Variants in GAB2 observed in about 807,000 individuals in gnomAD.
GAB2 encodes GRB2-associated-binding protein 2.
Under a neutral mutation model 65.5 loss-of-function variants are expected in GAB2, and 26 were observed. The observed-to-expected ratio is 0.40, with a 90% confidence interval of 0.29 to 0.55. GAB2 has a LOEUF of 0.55. Among genes scored for constraint, GAB2 ranks in the 20% least tolerant of loss-of-function variants. The pLI is 0.53. For synonymous variants in GAB2, 321 were observed against 329.6 expected (o/e 0.97, Z 0.28); for missense variants, 884 against 875.8 (o/e 1.01, Z -0.12).
At chr11:78,384,983 T>C (rs912770137) in intron 1 of GAB2, among the ~76,000 whole-genome samples, 5 of 152,220 alleles carry the variant, frequency 3.3e-5, no homozygotes, top group African/African-American at 4.8e-5. Context: ...GAGAAGACTC[T>C]CTACAATGAT....
intron 1 of GAB2, among the ~76,000 whole-genome samples, chr11:78,353,063 C>G (rs1423837250): frequency 6.6e-6 from 1 of 152,138 alleles, no homozygotes; most frequent in Non-Finnish European, 1.5e-5. Flanking sequence ...AAGTGGTCCC[C>G]ATACCAGCAG....
At chr11:78,277,893 A>T (rs1315960868) in intron 2 of GAB2, among the ~76,000 whole-genome samples, 1 of 151,668 alleles carries the variant, frequency 6.6e-6, no homozygotes, top group Non-Finnish European at 1.5e-5. Context: ...ATAAACTTTC[A>T]CCCCTCTTCT....
rs143971446 is a variant in GAB2, at chr11:78,412,754, T to G, written c.75+4892A>C. 7.2e-5 allele frequency among the ~76,000 whole-genome samples: 11 copies of G among 152,314 alleles called. No individual in the cohort carries two copies. In the South Asian group the frequency reaches 1.7e-3, roughly 23 times the overall value. On this transcript the variant is annotated intron_variant, in intron 1 of 9. Coordinates refer to ENST00000361507, the MANE Select transcript of GAB2 (RefSeq NM_080491.3). ...TTAATTTTTTTAAAAAGCCCAGGCT[T>G]TAGGACAAAGCTAGATGACTTTGGG...
At chr11:78,414,467 T>C (rs1474753211) in intron 1 of GAB2, among the ~76,000 whole-genome samples, 1 of 152,244 alleles carries the variant, frequency 6.6e-6, no homozygotes, top group African/African-American at 2.4e-5. Flanking sequence ...TCCAGTGAAA[T>C]TGATAGAAAA....
intron 1 of GAB2, among the ~76,000 whole-genome samples, chr11:78,370,555 T>G (rs1856556862): frequency 6.6e-6 from 1 of 151,250 alleles, no homozygotes; most frequent in Admixed American, 6.6e-5. Context: ...GAGCAGAGAG[T>G]GGGGAAAGAC....
intron 1 of GAB2, among the ~76,000 whole-genome samples, chr11:78,310,010 G>T (rs1372752806): frequency 6.6e-6 from 1 of 151,362 alleles, no homozygotes; most frequent in Non-Finnish European, 1.5e-5. Flanking sequence ...CAGTGGTGGG[G>T]TAAGTTGTCA....
rs1005378741 is a variant in GAB2 at position 78,223,499 on chromosome 11, T to C, written c.1480A>G (p.Thr494Ala). The change falls in exon 6 of 10, where the codon ACA becomes GCA. Residue 494 changes from threonine (T) to alanine (A), a missense_variant. Coordinates refer to ENST00000361507, the MANE Select transcript of GAB2 (RefSeq NM_080491.3). ...HHFDSLGYPS[T>A]TLPVHRGPSR... is the part of the protein sequence containing the mutation. The stretch of plus-strand genomic sequence containing the variant: ...GGGCCTCGGTGCACAGGAAGGGTTG[T>C]TGATGGGTAGCCAAGTGAGTCAAAG... The C allele has an allele frequency of 6.9e-6, 11 of 1,602,632 alleles. No individual in the cohort carries two copies. In the African/African-American group the frequency reaches 1.2e-4, roughly 18 times the overall value.
At chr11:78,363,992 TA>T (rs1301349201) in intron 1 of GAB2, 3 of 152,210 alleles carry the variant, frequency 2.0e-5, no homozygotes, top group African/African-American at 7.2e-5. Context: ...CTCACCCATT[TA>T]ACATATATTT....
At chr11:78,403,219 T>G (rs1384609250) in intron 1 of GAB2, among the ~76,000 whole-genome samples, 2 of 152,244 alleles carry the variant, frequency 1.3e-5, no homozygotes, top group African/African-American at 4.8e-5. Context: ...AGCAAATCAC[T>G]TAAACATATT....
At chr11:78,351,932 G>T (rs532084005) in intron 1 of GAB2, among the ~76,000 whole-genome samples, 138 of 152,286 alleles carry the variant, frequency 9.1e-4, no homozygotes, top group Non-Finnish European at 1.8e-3. Context: ...GGGGGGCCAG[G>T]TCGAGCGCAG....
chr11:78,217,571 C>G lies in GAB2; in HGVS notation c.*1701G>C, dbSNP rs1394490902. ...TGGGAGGAAGAAGTTCTGTTCGCCCCAGGGTAGAATGAAACGTCTGGTCTG... is the reference window on the plus strand; with the variant it reads ...TGGGAGGAAGAAGTTCTGTTCGCCCGAGGGTAGAATGAAACGTCTGGTCTG... On this transcript the variant is annotated 3_prime_UTR_variant, in exon 10 of 10. Coordinates refer to ENST00000361507, the MANE Select transcript of GAB2 (RefSeq NM_080491.3). 6.6e-6 allele frequency: 1 copy of G among 152,182 alleles called. No individual in the cohort carries two copies. The highest frequency in any genetic ancestry group is 1.5e-5 in the Non-Finnish European group (1 of 68,050). The allele number at this position is 152,182 out of a possible 1,614,324, so 9.4% of individuals were successfully genotyped here.
In GAB2 at chr11:78,261,111, T is replaced by C. The variant is rs141080055; in HGVS notation, c.377-10711A>G. Among the ~76,000 whole-genome samples the C allele has an allele frequency of 8.1e-3, 1,240 of 152,206 alleles. 10 individuals carry two copies. Among genetic ancestry groups the C allele is most frequent in the Non-Finnish European group, 0.014 (953 of 68,018 alleles). ...TGTATATGTATGTCTGAGATATATATATATCTCACGCATACATATAAATTA... is the reference window on the plus strand; with the variant it reads ...TGTATATGTATGTCTGAGATATATACATATCTCACGCATACATATAAATTA... On this transcript the variant is annotated intron_variant, in intron 2 of 9. Coordinates refer to ENST00000361507, the MANE Select transcript of GAB2 (RefSeq NM_080491.3).
At chr11:78,292,255 A>T (rs1866702735) in intron 1 of GAB2, among the ~76,000 whole-genome samples, 1 of 152,164 alleles carries the variant, frequency 6.6e-6, no homozygotes, top group African/African-American at 2.4e-5. Flanking sequence ...GAAAGCGGGA[A>T]GTTAAAAGGA....
At chr11:78,410,250 T>C (rs1273418383) in intron 1 of GAB2, among the ~76,000 whole-genome samples, 1 of 152,234 alleles carries the variant, frequency 6.6e-6, no homozygotes, top group Admixed American at 6.5e-5. Context: ...ATGCCTGTAA[T>C]TGCAGCACTT....
At chr11:78,305,658 G>A (rs901250763) in intron 1 of GAB2, among the ~76,000 whole-genome samples, 3 of 152,108 alleles carry the variant, frequency 2.0e-5, no homozygotes, top group African/African-American at 7.2e-5. Context: ...TTTATTTCTG[G>A]CACTTTTCTT....
intron 1 of GAB2, among the ~76,000 whole-genome samples, chr11:78,309,172 G>A (rs1462829864): frequency 2.0e-5 from 3 of 152,248 alleles, no homozygotes; most frequent in South Asian, 4.1e-4. Flanking sequence ...TTCAAGCTTG[G>A]GAGATCAGAT....
chr11:78,264,881 A>C (rs1178399398), intron 2 of GAB2, among the ~76,000 whole-genome samples: 2 of 152,194 alleles, frequency 1.3e-5, no homozygotes, highest in Admixed American at 1.3e-4. Context: ...TCGGGAGATA[A>C]AAGTAGCATG....
At chr11:78,270,241 C>T (rs927423941) in intron 2 of GAB2, among the ~76,000 whole-genome samples, 2 of 151,812 alleles carry the variant, frequency 1.3e-5, no homozygotes, top group African/African-American at 4.8e-5. Flanking sequence ...GCAGGAGAAT[C>T]GCCTGAACCC....
intron 1 of GAB2, among the ~76,000 whole-genome samples, chr11:78,412,274 C>T (rs73502982): frequency 0.037 from 5,554 of 152,034 alleles, 317 homozygotes; most frequent in African/African-American, 0.13. Flanking sequence ...TGAGAACTAA[C>T]GGGTGAATGG....
Sources: allele counts gnomAD v4.1 joint callset (sites outside exome capture counted in the v4.1 genomes callset), GRCh38; gene constraint gnomAD v4.1.1; transcripts MANE v1.5; gene names NCBI Gene and HGNC (gene_info 2026-07-23, HGNC 2026-07-21).